The following GPC6 variants were observed in gnomAD, a reference collection of about 807,000 sequenced individuals.
The protein encoded by GPC6 is glypican 6.
GPC6 carries 14 observed loss-of-function variants against 55.2 expected under a neutral mutation model. The ratio of observed to expected loss-of-function variants is 0.25; its 90% CI spans 0.17 to 0.40. The LOEUF (loss-of-function observed/expected upper bound fraction) is 0.40, where lower values mean the gene tolerates loss of function less well. Ranked by LOEUF, GPC6 falls within the 10% of genes least tolerant of loss-of-function variation. The probability of loss-of-function intolerance (pLI) is 1.00; values close to 1 mark genes in which losing one functional copy is unlikely to be tolerated. For synonymous variants in GPC6, 278 were observed against 259.6 expected (o/e 1.07, Z -0.68); for missense variants, 641 against 708.5 (o/e 0.90, Z 1.08).
intron 2 of GPC6, among the ~76,000 whole-genome samples, chr13:93,670,412 A>G (rs1009828188): frequency 2.0e-5 from 3 of 152,224 alleles, no homozygotes; most frequent in Non-Finnish European, 4.4e-5. Context: ...AATAAAAGAG[A>G]GTCACTAAAT....
intron 6 of GPC6, among the ~76,000 whole-genome samples, chr13:94,341,322 C>T (rs924371788): frequency 3.9e-5 from 6 of 152,080 alleles, no homozygotes; most frequent in East Asian, 1.9e-4. Context: ...CAGTAGGTCA[C>T]GCTTATAATC....
intron 6 of GPC6, among the ~76,000 whole-genome samples, chr13:94,353,326 A>C (rs548681319): frequency 6.6e-6 from 1 of 152,138 alleles, no homozygotes; most frequent in South Asian, 2.1e-4. Context: ...CCAAAACCTA[A>C]TTTTTTTAGA....
intron 2 of GPC6, among the ~76,000 whole-genome samples, chr13:93,666,967 G>C (rs1008415778): frequency 4.6e-5 from 7 of 151,918 alleles, no homozygotes; most frequent in African/African-American, 1.7e-4. Flanking sequence ...TAGAAATATG[G>C]AATAATGTTG....
chr13:94,292,685 A>G (rs746235304), intron 5 of GPC6, among the ~76,000 whole-genome samples: 2 of 152,116 alleles, frequency 1.3e-5, no homozygotes, highest in Non-Finnish European at 2.9e-5. Context: ...TTCAGATGGG[A>G]TATCTCTTTC....
chr13:93,673,151 C>T (rs1881438561), intron 2 of GPC6, among the ~76,000 whole-genome samples: 1 of 152,128 alleles, frequency 6.6e-6, no homozygotes, highest in African/African-American at 2.4e-5. Context: ...ACCAACCCAA[C>T]AGGCAAGAAG....
chr13:93,877,976 G>T (rs1472254941), intron 3 of GPC6, among the ~76,000 whole-genome samples: 2 of 151,966 alleles, frequency 1.3e-5, no homozygotes, highest in African/African-American at 4.8e-5. Context: ...TTGTAAATTT[G>T]GTTTGAAAAG....
intron 4 of GPC6, among the ~76,000 whole-genome samples, chr13:94,200,818 G>A (rs1489072214): frequency 2.6e-5 from 4 of 152,194 alleles, no homozygotes; most frequent in Admixed American, 6.5e-5. Context: ...GTATTATTGT[G>A]TCAGTGACAA....
intron 4 of GPC6, among the ~76,000 whole-genome samples, chr13:94,198,169 T>C (rs767346708): frequency 1.2e-4 from 19 of 152,170 alleles, no homozygotes; most frequent in Non-Finnish European, 2.1e-4. Flanking sequence ...CAAAGAAATT[T>C]CATCCTAGAT....
At chr13:94,370,801 C>T (rs926725042) in intron 6 of GPC6, among the ~76,000 whole-genome samples, 1 of 152,118 alleles carries the variant, frequency 6.6e-6, no homozygotes, top group Non-Finnish European at 1.5e-5. Flanking sequence ...GTAACATAAG[C>T]ACTACTGAAT....
chr13:94,234,231 T>C (rs1455396101), intron 4 of GPC6, among the ~76,000 whole-genome samples: 1 of 152,178 alleles, frequency 6.6e-6, no homozygotes, highest in Non-Finnish European at 1.5e-5. Flanking sequence ...AATCATTCCA[T>C]TTATCCTTCT....
At chr13:93,567,145 C>A (rs1298984581) in intron 2 of GPC6, among the ~76,000 whole-genome samples, 7 of 152,156 alleles carry the variant, frequency 4.6e-5, no homozygotes, top group African/African-American at 1.4e-4. Context: ...GCCACGCTGT[C>A]TTCCACAATG....
intron 3 of GPC6, among the ~76,000 whole-genome samples, chr13:93,988,403 T>C (rs1041532818): frequency 1.1e-4 from 17 of 152,134 alleles, no homozygotes; most frequent in African/African-American, 4.1e-4. Context: ...ACCTTTCGGA[T>C]AGGACTTCTG....
chr13:93,638,549 A>G (rs1030801423), intron 2 of GPC6, among the ~76,000 whole-genome samples: 1 of 152,156 alleles, frequency 6.6e-6, no homozygotes, highest in Non-Finnish European at 1.5e-5. Flanking sequence ...CTGTCTGGAC[A>G]TACAGCAATA....
intron 6 of GPC6, among the ~76,000 whole-genome samples, chr13:94,315,898 T>A (rs1229119548): frequency 1.3e-5 from 2 of 152,214 alleles, no homozygotes; most frequent in Non-Finnish European, 2.9e-5. Flanking sequence ...AGGATGGCTT[T>A]GAATGCGGCC....
At chr13:93,882,305 C>T (rs1789291096) in intron 3 of GPC6, among the ~76,000 whole-genome samples, 1 of 151,880 alleles carries the variant, frequency 6.6e-6, no homozygotes, top group Admixed American at 6.6e-5. Flanking sequence ...TGCCACTACA[C>T]CCAGCTAATT....
intron 4 of GPC6, among the ~76,000 whole-genome samples, chr13:94,056,402 A>G (rs1254403680): frequency 6.6e-6 from 1 of 152,204 alleles, no homozygotes; most frequent in Non-Finnish European, 1.5e-5. Flanking sequence ...ATTAAACTGA[A>G]TAAATAATTA....
At chr13:94,214,265 A>T (rs747931601) in intron 4 of GPC6, among the ~76,000 whole-genome samples, 1 of 152,130 alleles carries the variant, frequency 6.6e-6, no homozygotes, top group Non-Finnish European at 1.5e-5. Context: ...AGTTGTACTG[A>T]CTCTCTCACC....
chr13:94,305,362 C>T (rs924654146), intron 5 of GPC6, among the ~76,000 whole-genome samples: 40 of 152,280 alleles, frequency 2.6e-4, no homozygotes, highest in Non-Finnish European at 4.1e-4. Flanking sequence ...TAACATTGAA[C>T]TCATAGCACT....
intron 1 of GPC6, among the ~76,000 whole-genome samples, chr13:93,245,792 C>G (rs750095212): frequency 6.6e-6 from 1 of 152,154 alleles, no homozygotes. Context: ...CTTAGATCTC[C>G]CCGCATACTT....
Sources: gnomAD v4.1 joint callset for allele counts (sites outside exome capture counted in the v4.1 genomes callset) on GRCh38, gnomAD v4.1.1 for gene constraint, MANE v1.5 for transcripts, NCBI Gene and HGNC (gene_info 2026-07-23, HGNC 2026-07-21) for gene names.